FAM53A: variants seen among roughly 807,000 people sequenced by gnomAD.
FAM53A encodes family with sequence similarity 53 member A.
A neutral mutation model predicts 26.6 loss-of-function variants in FAM53A; 28 were observed. That is an observed-to-expected ratio of 1.05 (90% CI 0.78 to 1.45). The LOEUF is 1.45. Among genes scored for constraint, FAM53A ranks in the 40% most tolerant of loss-of-function variants. The pLI is 0.00. For synonymous variants in FAM53A, 290 were observed against 253.1 expected, an observed-to-expected ratio of 1.15 and a Z score of -1.38; for missense variants, 650 against 575.8, an observed-to-expected ratio of 1.13 and a Z score of -1.32.
intron 1 of FAM53A, among the ~76,000 whole-genome samples, chr4:1,682,291 T>C (rs1363940281): frequency 1.4e-5 from 2 of 139,064 alleles, no homozygotes; most frequent in African/African-American, 5.4e-5. Flanking sequence ...TGAGACAGAG[T>C]CTGGCTCTGT....
chr4:1,623,308 G>A (rs11722366), intron 1 of FAM53A, among the ~76,000 whole-genome samples: 2 of 151,328 alleles, frequency 1.3e-5, no homozygotes, highest in Non-Finnish European at 2.9e-5. Context: ...ACCTTCCTCA[G>A]GAAGAGGCCT....
At chr4:1,583,046 T>C in the FAM53A span, among the ~76,000 whole-genome samples, 155 of 152,324 alleles carry the variant, frequency 1.0e-3, no homozygotes, top group African/African-American at 3.5e-3. Flanking sequence ...CACTGCTAGT[T>C]GGCTCTTAGG....
At chr4:1,590,955 C>CATATATATATATATAT in the FAM53A span, among the ~76,000 whole-genome samples, 2 of 46,304 alleles carry the variant, frequency 4.3e-5, no homozygotes, top group Non-Finnish European at 9.4e-5. Context: ...TTATTTAATG[C>CATATATATATATATAT]ATATATATAT....
the FAM53A span, among the ~76,000 whole-genome samples, chr4:1,599,945 CCCT>C: frequency 6.6e-6 from 1 of 152,056 alleles, no homozygotes; most frequent in Non-Finnish European, 1.5e-5. This position sits in a 1 kb window ranked among gnomAD's most constrained non-coding sequence, Gnocchi z 6.1. Context: ...CCTCTCCTCC[CCCT>C]CCTCCTCTCC....
chr4:1,583,746 G>C, the FAM53A span, among the ~76,000 whole-genome samples: 5 of 152,242 alleles, frequency 3.3e-5, no homozygotes, highest in Non-Finnish European at 4.4e-5. Context: ...CGGCTCATGG[G>C]TGGGCACCTG....
chr4:1,617,139 T>A (rs562298601), downstream of FAM53A, among the ~76,000 whole-genome samples: 20 of 106,108 alleles, frequency 1.9e-4, 1 homozygote, highest in East Asian at 1.0e-3. Context: ...CTTGAAATTT[T>A]AAAAAAAAGT....
chr4:1,625,453 C>T (rs13104758), intron 1 of FAM53A, among the ~76,000 whole-genome samples: 1 of 79,562 alleles, frequency 1.3e-5, no homozygotes, highest in Non-Finnish European at 2.3e-5. Flanking sequence ...CAGAAGGCCC[C>T]ACGTCCCGGC....
chr4:1,643,612 G>A (rs1248012897), intron 4 of FAM53A, among the ~76,000 whole-genome samples: 1 of 149,220 alleles, frequency 6.7e-6, no homozygotes, highest in Non-Finnish European at 1.5e-5. Flanking sequence ...TGTTTCCCAG[G>A]CTGGAGTGCA....
chr4:1,639,968 G>T lies in FAM53A; in HGVS notation c.*1325C>A, dbSNP rs2121457. On this transcript the variant is annotated 3_prime_UTR_variant, in exon 5 of 5. Coordinates refer to ENST00000308132, the MANE Select transcript of FAM53A (RefSeq NM_001174070.3). ...TGAAAAACAGGAAATCCCTTGCCTT[G>T]TCTGGTTCTGAGCCAGAGACCAGAG... The T allele has an allele frequency of 0.2, 30,576 of 152,272 alleles. 3,649 individuals are homozygous for T. The highest frequency in any genetic ancestry group is 0.28 in the Middle Eastern group (81 of 294). The allele number at this position is 152,272 out of a possible 1,614,324, so 9.4% of individuals were successfully genotyped here.
the FAM53A span, among the ~76,000 whole-genome samples, chr4:1,608,292 C>T: frequency 6.6e-6 from 1 of 152,212 alleles, no homozygotes; most frequent in Non-Finnish European, 1.5e-5. Context: ...CCCAGGCGGC[C>T]CCTCCTGAAC....
Position 1,641,507 on chromosome 4 carries a change from C to G in FAM53A, c.983G>C (p.Arg328Pro). The G allele has an allele frequency of 1.2e-6, 2 of 1,614,186 alleles. No individual in the cohort carries two copies. Among genetic ancestry groups the G allele is most frequent in the Non-Finnish European group, 8.5e-7 (1 of 1,180,018 alleles). The change falls in exon 5 of 5, where the codon CGG (arginine) becomes CCG (proline). Residue 328 changes from arginine to proline, a missense_variant. Transcript: ENST00000308132. ...KTVLSSPCDS[R>P]GLPGITMPGC... Reference sequence around the variant, plus strand: ...AGGCATGGTGATGCCAGGGAGGCCCCGGGAGTCACATGGGGAGGACAGAAC... The same window carrying G: ...AGGCATGGTGATGCCAGGGAGGCCCGGGGAGTCACATGGGGAGGACAGAAC...
chr4:1,629,136 G>A (rs1715496356), intron 1 of FAM53A, among the ~76,000 whole-genome samples: 2 of 152,136 alleles, frequency 1.3e-5, no homozygotes, highest in East Asian at 1.9e-4. Flanking sequence ...GCCCAGCTGG[G>A]AAGAGGAAGG....
downstream of FAM53A, among the ~76,000 whole-genome samples, chr4:1,638,650 C>G (rs1390676618): frequency 6.6e-6 from 1 of 152,160 alleles, no homozygotes; most frequent in Non-Finnish European, 1.5e-5. Flanking sequence ...ACCAGACGCT[C>G]CGTCAAGGGA....
At chr4:1,608,481 G>A in the FAM53A span, among the ~76,000 whole-genome samples, 3,752 of 152,330 alleles carry the variant, frequency 0.025, 132 homozygotes, top group East Asian at 0.079. Flanking sequence ...AGTTGTCTCC[G>A]TCTTGCTCTC....
rs146414833 is a variant in FAM53A at position 1,626,564 on chromosome 4, C to T, written c.432-8453G>A. On this transcript the variant is annotated intron_variant, in intron 1 of 1. Coordinates refer to the FAM53A transcript ENST00000489029. ...GCCATGCCCTGAGCCCGGGGGGACC[C>T]GGGGAGGACCTGGGACAGTGTAGAC... Among the ~76,000 whole-genome samples the T allele has an allele frequency of 8.2e-3, 1,187 of 145,534 alleles. 16 individuals carry two copies. The highest frequency in any genetic ancestry group is 0.029 in the African/African-American group (1,116 of 38,874).
chr4:1,642,403 G>A (rs542085527), intron 4 of FAM53A, among the ~76,000 whole-genome samples: 118 of 152,148 alleles, frequency 7.8e-4, no homozygotes, highest in African/African-American at 2.7e-3. Context: ...TCTGCCCTCC[G>A]GAGGTGCCGC....
At position 1,646,652 on chromosome 4, in the gene FAM53A, C is replaced by A. The variant is rs117040181; in HGVS notation, c.883-5045G>T. Among the ~76,000 whole-genome samples the A allele has an allele frequency of 1.7e-4, 26 of 152,264 alleles. No individual in the cohort carries two copies. In the East Asian group the frequency reaches 3.7e-3, roughly 22 times the overall value. On this transcript the variant is annotated intron_variant, in intron 4 of 4. Transcript: ENST00000308132. ...GAAGGCACCATCTGCTCACTAAACC[C>A]AAGACCTCCAAAAACGCAGCGGGCC... is the stretch of plus-strand genomic sequence containing the variant.
intron 4 of FAM53A, among the ~76,000 whole-genome samples, chr4:1,645,845 G>A (rs1171736707): frequency 6.6e-6 from 1 of 152,232 alleles, no homozygotes; most frequent in East Asian, 1.9e-4. Flanking sequence ...CCATGTTCTT[G>A]ATGGTCCCTG....
chr4:1,604,974 T>C, the FAM53A span, among the ~76,000 whole-genome samples: 1 of 150,518 alleles, frequency 6.6e-6, no homozygotes, highest in African/African-American at 2.5e-5. Flanking sequence ...CCTCCACATC[T>C]CCTGCTTGGC....
Sources: gnomAD v4.1 joint callset for allele counts (sites outside exome capture counted in the v4.1 genomes callset) on GRCh38, gnomAD v4.1.1 for gene constraint, Gnocchi (gnomAD v3.1) non-coding constraint, MANE v1.5 for transcripts, NCBI Gene and HGNC (gene_info 2026-07-23, HGNC 2026-07-21) for gene names.